The following CNTNAP2 variants were observed in gnomAD, a reference collection of about 807,000 sequenced individuals.
The protein encoded by CNTNAP2 is contactin-associated protein-like 2.
Under a neutral mutation model 155.2 loss-of-function variants are expected in CNTNAP2, and 98 were observed. That is an observed-to-expected ratio of 0.63 (90% CI 0.54 to 0.75). The LOEUF is 0.75. CNTNAP2 is among the 30% of genes least tolerant of loss of function. CNTNAP2 has a pLI of 0.00. For synonymous variants in CNTNAP2, 651 were observed against 631.2 expected (o/e 1.03, Z -0.47); for missense variants, 1,727 against 1,688.1 (o/e 1.02, Z -0.40).
chr7:147,757,131 T>G (rs1797223247), intron 13 of CNTNAP2, among the ~76,000 whole-genome samples: 1 of 152,188 alleles, frequency 6.6e-6, no homozygotes, highest in African/African-American at 2.4e-5. Context: ...AAGGGTACCT[T>G]CCTCTTGCCC....
At chr7:148,063,297 G>A (rs985628306) in intron 15 of CNTNAP2, among the ~76,000 whole-genome samples, 3 of 151,934 alleles carry the variant, frequency 2.0e-5, no homozygotes, top group Non-Finnish European at 4.4e-5. Context: ...ATACCTCAGT[G>A]TAGTTTCTTC....
intron 14 of CNTNAP2, chr7:147,940,324 A>AAAAAAAAAAG (rs1800696119): frequency 6.7e-6 from 1 of 149,286 alleles, no homozygotes; most frequent in East Asian, 2.0e-4. Context: ...AAAAAAAAAA[A>AAAAAAAAAAG]TGGCTTTAGA....
intron 1 of CNTNAP2, among the ~76,000 whole-genome samples, chr7:146,152,756 G>C (rs1562969468): frequency 6.6e-6 from 1 of 152,074 alleles, no homozygotes; most frequent in Admixed American, 6.6e-5. Context: ...ATTGAACTTT[G>C]TGATGAACAC....
At position 147,266,078 on chromosome 7, in the gene CNTNAP2, C is replaced by T. The variant is rs529508037; in HGVS notation, c.1349-34063C>T. 3.9e-5 allele frequency among the ~76,000 whole-genome samples: 6 copies of T among 152,280 alleles called. No homozygotes were observed. In the South Asian group the frequency reaches 1.2e-3, roughly 32 times the overall value. ...CTGAACACTCAAAAGGCCAGAGTGC[C>T]TCTTCTCCAAACAATCACAATACCT... is the stretch of plus-strand genomic sequence containing the variant. On this transcript the variant is annotated intron_variant, in intron 8 of 23. Coordinates refer to ENST00000361727, the MANE Select transcript of CNTNAP2 (RefSeq NM_014141.6).
chr7:146,393,723 G>T (rs1025131558), intron 1 of CNTNAP2, among the ~76,000 whole-genome samples: 1 of 151,254 alleles, frequency 6.6e-6, no homozygotes, highest in Non-Finnish European at 1.5e-5. Context: ...GATGTGGCTG[G>T]CAGGCAATGC....
At chr7:147,397,427 C>T (rs1034454223) in intron 10 of CNTNAP2, among the ~76,000 whole-genome samples, 1 of 151,720 alleles carries the variant, frequency 6.6e-6, no homozygotes, top group African/African-American at 2.4e-5. Flanking sequence ...TTTTTAGTAT[C>T]TACTCTTTTT....
At chr7:146,815,867 G>T (rs747152624) in intron 2 of CNTNAP2, among the ~76,000 whole-genome samples, 4 of 152,004 alleles carry the variant, frequency 2.6e-5, no homozygotes, top group African/African-American at 4.8e-5. Context: ...CCATCAACTC[G>T]TCATTTACAT....
chr7:146,972,193 A>G (rs924147486), intron 3 of CNTNAP2, among the ~76,000 whole-genome samples: 3 of 152,214 alleles, frequency 2.0e-5, no homozygotes, highest in Non-Finnish European at 4.4e-5. Flanking sequence ...AAACACAAGT[A>G]TCAAGTCAAC....
At chr7:147,636,579 G>A (rs1056795202) in intron 12 of CNTNAP2, among the ~76,000 whole-genome samples, 16 of 152,148 alleles carry the variant, frequency 1.1e-4, no homozygotes, top group African/African-American at 3.4e-4. Context: ...TTGTCCTAAT[G>A]CTCTCCCTCC....
chr7:147,983,526 C>T (rs572781880), intron 15 of CNTNAP2, among the ~76,000 whole-genome samples: 4 of 152,254 alleles, frequency 2.6e-5, no homozygotes, highest in African/African-American at 4.8e-5. Flanking sequence ...GTGGCCATGG[C>T]CCAAGGTACA....
Position 148,068,223 on chromosome 7 carries a change from C to T in CNTNAP2, c.2384-49895C>T, listed in dbSNP as rs376851001. 1.5e-4 allele frequency among the ~76,000 whole-genome samples: 22 copies of T among 151,626 alleles called. 1 individual carries two copies. In the East Asian group the frequency reaches 3.7e-3, roughly 26 times the overall value. ...AATTCATATTTGGTCAAAATTATTA[C>T]AAAGTTCAGCTAGAAGTTTCCTTTT... On this transcript the variant is annotated intron_variant, in intron 15 of 23. Coordinates refer to ENST00000361727, the MANE Select transcript of CNTNAP2 (RefSeq NM_014141.6).
intron 8 of CNTNAP2, among the ~76,000 whole-genome samples, chr7:147,197,369 G>A (rs1584786771): frequency 7.8e-6 from 1 of 128,474 alleles, no homozygotes; most frequent in Admixed American, 1.0e-4. Context: ...TTTCGTTTTC[G>A]ATAAATAATC....
At chr7:147,095,071 G>A (rs1187024098) in intron 4 of CNTNAP2, among the ~76,000 whole-genome samples, 1 of 151,994 alleles carries the variant, frequency 6.6e-6, no homozygotes, top group Non-Finnish European at 1.5e-5. Flanking sequence ...CCAGGCTGGA[G>A]TGCAATGGCG....
intron 13 of CNTNAP2, among the ~76,000 whole-genome samples, chr7:147,660,927 T>A (rs999834334): frequency 4.6e-5 from 7 of 152,176 alleles, no homozygotes; most frequent in African/African-American, 1.7e-4. Context: ...AATCACAGCA[T>A]ACTCTTCCTC....
At position 148,415,705 on chromosome 7, in the gene CNTNAP2, C is replaced by A. The variant is rs1799970507; in HGVS notation, c.*89C>A. On this transcript the variant is annotated 3_prime_UTR_variant, in exon 24 of 24. Coordinates refer to ENST00000361727, the MANE Select transcript of CNTNAP2 (RefSeq NM_014141.6). ...AAGCACCCTGCTTCATACTCTTGAGCACATCCTTAAAATATCAGCACAAGT... is the reference window on the plus strand; with the variant it reads ...AAGCACCCTGCTTCATACTCTTGAGAACATCCTTAAAATATCAGCACAAGT... The A allele has an allele frequency of 1.4e-6, 2 of 1,445,450 alleles. No homozygotes were observed. Among genetic ancestry groups the A allele is most frequent in the Non-Finnish European group, 1.9e-6 (2 of 1,038,160 alleles). 89.5% of individuals were successfully genotyped at this position (1,445,450 alleles called of 1,614,324 possible).
chr7:148,176,983 C>A (rs1424945490), intron 18 of CNTNAP2, among the ~76,000 whole-genome samples: 2 of 152,132 alleles, frequency 1.3e-5, no homozygotes, highest in African/African-American at 4.8e-5. Flanking sequence ...CTCAAGAATT[C>A]TATAATTATC....
intron 13 of CNTNAP2, among the ~76,000 whole-genome samples, chr7:147,640,438 A>C (rs1348262483): frequency 6.6e-6 from 1 of 152,158 alleles, no homozygotes; most frequent in Non-Finnish European, 1.5e-5. Context: ...CTAGGTACTT[A>C]TAAGACTTGA....
Position 146,839,881 on chromosome 7 carries a change from T to C in CNTNAP2, c.379T>C (p.Tyr127His). Residue 127 changes from tyrosine (Y) to histidine (H), a missense_variant, in exon 3 of 24, where the codon TAT becomes CAT. Coordinates refer to ENST00000361727, the MANE Select transcript of CNTNAP2 (RefSeq NM_014141.6). ...YSDTGRNWKP[Y>H]HQDGNIWAFP... ...CGACACAGGGAGAAACTGGAAACCCTATCATCAAGATGGGAATATCTGGGT... is the reference window on the plus strand; with the variant it reads ...CGACACAGGGAGAAACTGGAAACCCCATCATCAAGATGGGAATATCTGGGT... 1 of 1,614,132 alleles carries C rather than the reference T, an allele frequency of 6.2e-7. No homozygotes were observed. The highest frequency in any genetic ancestry group is 1.1e-5 in the South Asian group (1 of 91,074).
intron 1 of CNTNAP2, among the ~76,000 whole-genome samples, chr7:146,272,873 G>GAC (rs1297731306): frequency 6.6e-6 from 1 of 152,126 alleles, no homozygotes; most frequent in African/African-American, 2.4e-5. Flanking sequence ...TGTTAGGGAA[G>GAC]ATTTGAACCT....
Sources: gnomAD v4.1 joint callset for allele counts (sites outside exome capture counted in the v4.1 genomes callset) on GRCh38, gnomAD v4.1.1 for gene constraint, MANE v1.5 for transcripts, NCBI Gene and HGNC (gene_info 2026-07-23, HGNC 2026-07-21) for gene names.